ADAMTS17: variants seen among roughly 807,000 people sequenced by gnomAD.
ADAMTS17 encodes the protein ADAM metallopeptidase with thrombospondin type 1 motif 17.
A neutral mutation model predicts 141.5 loss-of-function variants in ADAMTS17; 113 were observed. That is an observed-to-expected ratio of 0.80 (90% CI 0.69 to 0.93). The LOEUF is 0.93. ADAMTS17 is among the 40% of genes least tolerant of loss of function. ADAMTS17 has a pLI of 0.00. For synonymous variants in ADAMTS17, 768 were observed against 630.6 expected (o/e 1.22, Z -3.27); for missense variants, 1,659 against 1,517.9 (o/e 1.09, Z -1.54).
At chr15:100,280,900 G>A (rs2044258129) in intron 4 of ADAMTS17, among the ~76,000 whole-genome samples, 1 of 152,192 alleles carries the variant, frequency 6.6e-6, no homozygotes, top group Non-Finnish European at 1.5e-5. Flanking sequence ...ACTCCTTGGA[G>A]CAGGGTCTGG....
chr15:100,013,756 C>G (rs2061233467), intron 18 of ADAMTS17, among the ~76,000 whole-genome samples: 1 of 152,102 alleles, frequency 6.6e-6, no homozygotes, highest in African/African-American at 2.4e-5. Flanking sequence ...GGTAGATTAT[C>G]TTTTTGATAT....
At chr15:100,028,176 A>G (rs2029863938) in intron 18 of ADAMTS17, among the ~76,000 whole-genome samples, 1 of 152,146 alleles carries the variant, frequency 6.6e-6, no homozygotes, top group African/African-American at 2.4e-5. Flanking sequence ...CACCACCCCA[A>G]TAACACTGTC....
In ADAMTS17 at chr15:100,329,865, T is replaced by C. The variant is rs574845240; in HGVS notation, c.616+1024A>G. On this transcript the variant is annotated intron_variant, in intron 3 of 21. Coordinates refer to ENST00000268070, the MANE Select transcript of ADAMTS17 (RefSeq NM_139057.4). ...CAAAACTTGTTTACAAATAACAAGG[T>C]AATTCTAAAGCAGTCACATAATTTA... Among the ~76,000 whole-genome samples the C allele has an allele frequency of 3.3e-5, 5 of 152,226 alleles. No homozygotes were observed. In the South Asian group the frequency reaches 8.3e-4, roughly 25 times the overall value.
intron 10 of ADAMTS17, among the ~76,000 whole-genome samples, chr15:100,149,477 C>T (rs180929810): frequency 5.3e-5 from 8 of 151,764 alleles, no homozygotes; most frequent in South Asian, 2.1e-4. Context: ...TCACCTGCTC[C>T]GTCCTGATTC....
At chr15:100,031,793 C>A (rs1163093764) in intron 18 of ADAMTS17, among the ~76,000 whole-genome samples, 3 of 152,260 alleles carry the variant, frequency 2.0e-5, no homozygotes, top group African/African-American at 7.2e-5. Flanking sequence ...CTGCTGGGCA[C>A]TGGAGACTAA....
chr15:100,011,491 C>T (rs2061181242), intron 18 of ADAMTS17, among the ~76,000 whole-genome samples: 1 of 151,886 alleles, frequency 6.6e-6, no homozygotes, highest in South Asian at 2.1e-4. Context: ...GGAAGATTTT[C>T]AACACTTTGC....
At chr15:100,076,178 G>T (rs1217327455) in intron 15 of ADAMTS17, among the ~76,000 whole-genome samples, 1 of 152,048 alleles carries the variant, frequency 6.6e-6, no homozygotes, top group Non-Finnish European at 1.5e-5. Flanking sequence ...TAGTAGCTGG[G>T]ATTACAGGCG....
intron 7 of ADAMTS17, among the ~76,000 whole-genome samples, chr15:100,201,122 G>A (rs770271247): frequency 5.3e-5 from 8 of 152,354 alleles, no homozygotes; most frequent in Admixed American, 1.3e-4. Context: ...CTGGTGCAGA[G>A]TTCAGCCATA....
At position 100,281,245 on chromosome 15, in the gene ADAMTS17, A is replaced by T; in HGVS notation, c.773T>A (p.Leu258Gln). 1 of 1,606,086 alleles carries T rather than the reference A, an allele frequency of 6.2e-7. No homozygotes were observed. Among genetic ancestry groups the T allele is most frequent in the Non-Finnish European group, 8.5e-7 (1 of 1,179,976 alleles). Reference sequence around the variant, plus strand: ...CGGACTCACCATGTTCATGACGGTCAGGATGAACCTCTGGGCGGCCTCGGC... The same window carrying T: ...CGGACTCACCATGTTCATGACGGTCTGGATGAACCTCTGGGCGGCCTCGGC... ...HGAEAAQRFILTVMNMVYNMF... is the reference protein window; with the variant it reads ...HGAEAAQRFIQTVMNMVYNMF... Residue 258 changes from leucine (L) to glutamine (Q), a missense_variant, in exon 4 of 22, where the codon CTG becomes CAG. Coordinates refer to ENST00000268070, the MANE Select transcript of ADAMTS17 (RefSeq NM_139057.4).
Position 100,132,945 on chromosome 15 carries a change from T to C in ADAMTS17, c.1575+269A>G, listed in dbSNP as rs1282674308. On this transcript the variant is annotated intron_variant, in intron 11 of 21. Transcript: ENST00000268070. ...TCCATTTGAAATATACTGGTGAAAG[T>C]GTTCCTTTTAAGTAAATTTCCTTAC... 2.0e-5 allele frequency among the ~76,000 whole-genome samples: 3 copies of C among 152,368 alleles called. No individual in the cohort carries two copies. The East Asian group carries it at 5.8e-4, about 29-fold the overall frequency.
rs971129433 is a variant in ADAMTS17, at chr15:100,102,706, C to T, written c.2017-6230G>A. ...GAGGGAAATTGACCTCTAACCCCAA[C>T]GCAGAAGGCTGGGCACCGTCCTCAG... On this transcript the variant is annotated intron_variant, in intron 14 of 21. Coordinates refer to ENST00000268070, the MANE Select transcript of ADAMTS17 (RefSeq NM_139057.4). Among the ~76,000 whole-genome samples, 5 of 152,300 alleles carry T rather than the reference C, an allele frequency of 3.3e-5. No individual in the cohort carries two copies. The South Asian group carries it at 6.2e-4, about 19-fold the overall frequency.
rs2036481908 is a variant in ADAMTS17 at position 100,107,482 on chromosome 15, G to GT, written c.2016+1506dup. Among the ~76,000 whole-genome samples the GT allele has an allele frequency of 2.0e-5, 3 of 152,190 alleles. 1 individual carries two copies. In the South Asian group the frequency reaches 6.2e-4, roughly 32 times the overall value. Reference sequence around the variant, plus strand: ...CGTGGTCATAGGATGACAGGAACGCGTATGTGTGGCTGAGGGCAGAGCGCT... The same window carrying GT: ...CGTGGTCATAGGATGACAGGAACGCGTTATGTGTGGCTGAGGGCAGAGCGCT... On this transcript the variant is annotated intron_variant, in intron 14 of 21. Coordinates refer to ENST00000268070, the MANE Select transcript of ADAMTS17 (RefSeq NM_139057.4).
In ADAMTS17 at chr15:100,099,070, C is replaced by A. The variant is rs533168877; in HGVS notation, c.2017-2594G>T. Among the ~76,000 whole-genome samples, 3 of 152,316 alleles carry A rather than the reference C, an allele frequency of 2.0e-5. No homozygotes were observed. In the South Asian group the frequency reaches 6.2e-4, roughly 32 times the overall value. On this transcript the variant is annotated intron_variant, in intron 14 of 21. Transcript: ENST00000268070. ...TCCTGATTCAACAGCTTCTAGATGC[C>A]CCATTTGGTCCAGTTTCCTCCAGCC...
intron 8 of ADAMTS17, among the ~76,000 whole-genome samples, chr15:100,181,145 T>G (rs1034578826): frequency 6.6e-6 from 1 of 151,974 alleles, no homozygotes; most frequent in Non-Finnish European, 1.5e-5. Context: ...AAGGTTCACT[T>G]AAGGCTCAAG....
At chr15:100,202,778 A>G (rs1281849937) in intron 7 of ADAMTS17, among the ~76,000 whole-genome samples, 1 of 152,194 alleles carries the variant, frequency 6.6e-6, no homozygotes, top group Non-Finnish European at 1.5e-5. Flanking sequence ...AGAAATGAGG[A>G]AAAACCAGTT....
intron 10 of ADAMTS17, among the ~76,000 whole-genome samples, chr15:100,136,063 A>G (rs1234887366): frequency 1.3e-5 from 2 of 152,242 alleles, no homozygotes; most frequent in African/African-American, 4.8e-5. Context: ...ATACCCAGCA[A>G]TTCGAATCCT....
At chr15:100,118,100 G>A (rs775183786) in intron 12 of ADAMTS17, among the ~76,000 whole-genome samples, 1 of 152,182 alleles carries the variant, frequency 6.6e-6, no homozygotes, top group East Asian at 1.9e-4. Context: ...TGTCATAAAG[G>A]TCTACTCCAG....
intron 8 of ADAMTS17, among the ~76,000 whole-genome samples, chr15:100,180,399 C>T (rs1055343634): frequency 6.6e-6 from 1 of 152,106 alleles, no homozygotes; most frequent in African/African-American, 2.4e-5. Context: ...ATGCCAATAC[C>T]CATGCCATTT....
intron 8 of ADAMTS17, among the ~76,000 whole-genome samples, chr15:100,196,686 G>A (rs567711620): frequency 6.6e-6 from 1 of 152,352 alleles, no homozygotes; most frequent in African/African-American, 2.4e-5. Flanking sequence ...TTCCAAAATA[G>A]GGATCAGCTT....
Sources: gnomAD v4.1 joint callset for allele counts (sites outside exome capture counted in the v4.1 genomes callset) on GRCh38, gnomAD v4.1.1 for gene constraint, MANE v1.5 for transcripts, NCBI Gene and HGNC (gene_info 2026-07-23, HGNC 2026-07-21) for gene names.